The following DOCK3 variants were observed in gnomAD, a reference collection of about 807,000 sequenced individuals.
DOCK3 encodes the protein dedicator of cytokinesis 3.
DOCK3 carries 60 observed loss-of-function variants against 265.6 expected under a neutral mutation model. That is an observed-to-expected ratio of 0.23 (90% CI 0.18 to 0.28). DOCK3 has a LOEUF of 0.28. DOCK3 is among the 10% of genes least tolerant of loss of function. The pLI is 1.00. For synonymous variants in DOCK3, 881 were observed against 938.0 expected (o/e 0.94, Z 1.11); for missense variants, 1,981 against 2,594.3 (o/e 0.76, Z 5.14).
chr3:50,680,394 A>G (rs2034311765), intron 1 of DOCK3, among the ~76,000 whole-genome samples: 1 of 149,752 alleles, frequency 6.7e-6, no homozygotes. Context: ...TTCTATTTTT[A>G]GTAGAGACGG....
intron 27 of DOCK3, among the ~76,000 whole-genome samples, chr3:51,286,277 A>T (rs930736493): frequency 6.6e-6 from 1 of 152,234 alleles, no homozygotes; most frequent in Non-Finnish European, 1.5e-5. Context: ...AAAGATCTCT[A>T]CAAGGAGAAT....
intron 9 of DOCK3, among the ~76,000 whole-genome samples, chr3:51,125,709 T>C (rs1383049915): frequency 6.6e-6 from 1 of 152,084 alleles, no homozygotes; most frequent in Non-Finnish European, 1.5e-5. Flanking sequence ...CATGGCAAAC[T>C]ATAAAAAAAA....
chr3:51,220,656 C>CA (rs5848918), intron 14 of DOCK3, among the ~76,000 whole-genome samples: 58 of 99,768 alleles, frequency 5.8e-4, no homozygotes, highest in East Asian at 8.4e-4. Flanking sequence ...GACTCCATCT[C>CA]AAAAAAAAAA....
At chr3:51,013,082 A>G (rs547766946) in intron 5 of DOCK3, among the ~76,000 whole-genome samples, 5 of 152,230 alleles carry the variant, frequency 3.3e-5, no homozygotes, top group South Asian at 2.1e-4. Context: ...CTTCCTTGCA[A>G]TGGGTTCGAA....
intron 14 of DOCK3, among the ~76,000 whole-genome samples, chr3:51,216,012 AAG>A (rs1209121453): frequency 4.1e-4 from 63 of 152,136 alleles, no homozygotes; most frequent in African/African-American, 1.4e-3. Context: ...AAATTGAAAA[AAG>A]AATAAATAGT....
chr3:50,866,142 G>A (rs528453858), intron 3 of DOCK3, among the ~76,000 whole-genome samples: 27 of 152,024 alleles, frequency 1.8e-4, no homozygotes, highest in African/African-American at 6.0e-4. Flanking sequence ...ATGTGATCCC[G>A]TTTGTCCATT....
intron 40 of DOCK3, 98 bp from the exon 41 acceptor site, chr3:51,354,784 T>A: frequency 6.6e-7 from 1 of 1,522,588 alleles, no homozygotes. Flanking sequence ...AGAAGGCTCC[T>A]AAGATATGTT....
intron 9 of DOCK3, among the ~76,000 whole-genome samples, chr3:51,129,888 T>G (rs2084440009): frequency 6.6e-6 from 1 of 152,208 alleles, no homozygotes; most frequent in African/African-American, 2.4e-5. Flanking sequence ...TTGCAGAGCC[T>G]TCTCCTGTTC....
At chr3:51,379,290 CA>C (rs1390354068) in intron 51 of DOCK3, among the ~76,000 whole-genome samples, 1 of 152,266 alleles carries the variant, frequency 6.6e-6, no homozygotes, top group African/African-American at 2.4e-5. Flanking sequence ...CTGTGGACCA[CA>C]GTGCCTTGCT....
intron 41 of DOCK3, 39 bp downstream of exon 41, chr3:51,355,062 C>G: frequency 6.3e-7 from 1 of 1,598,282 alleles, no homozygotes; most frequent in African/African-American, 1.3e-5. Context: ...AGGGCAGGGG[C>G]CCTGGGAGGT....
In DOCK3 at chr3:51,286,200, C is replaced by T. The variant is rs183671578; in HGVS notation, c.2922+5996C>T. Among the ~76,000 whole-genome samples, 211 of 152,100 alleles carry T rather than the reference C, an allele frequency of 1.4e-3. 3 individuals are homozygous for T. Among genetic ancestry groups the T allele is most frequent in the Non-Finnish European group, 2.8e-4 (19 of 67,992 alleles). Reference sequence around the variant, plus strand: ...CATTCAAGCTGAGCCAAATTAAGAACGTAATTCCATTCACAATAGCCACAA... The same window carrying T: ...CATTCAAGCTGAGCCAAATTAAGAATGTAATTCCATTCACAATAGCCACAA... On this transcript the variant is annotated intron_variant, in intron 27 of 52. Coordinates refer to ENST00000266037, the MANE Select transcript of DOCK3 (RefSeq NM_004947.5).
chr3:51,133,750 G>T (rs2084668410), intron 9 of DOCK3, among the ~76,000 whole-genome samples: 1 of 152,096 alleles, frequency 6.6e-6, no homozygotes, highest in African/African-American at 2.4e-5. Flanking sequence ...GGATATTAAG[G>T]GTGTGGGATA....
chr3:50,889,704 G>A (rs1428304712), intron 3 of DOCK3, among the ~76,000 whole-genome samples: 1 of 152,040 alleles, frequency 6.6e-6, no homozygotes, highest in Non-Finnish European at 1.5e-5. Context: ...TACATGACAA[G>A]TTCTGTACAC....
chr3:51,007,157 T>C (rs1484071878), intron 5 of DOCK3, among the ~76,000 whole-genome samples: 1 of 152,202 alleles, frequency 6.6e-6, no homozygotes, highest in Admixed American at 6.5e-5. Flanking sequence ...GATGGCTGGG[T>C]CAAATGGTAT....
chr3:50,945,754 G>A (rs1314846427), intron 5 of DOCK3, among the ~76,000 whole-genome samples: 2 of 152,140 alleles, frequency 1.3e-5, no homozygotes, highest in Non-Finnish European at 2.9e-5. Context: ...TTCAGATTAT[G>A]TATAAGAGGA....
intron 1 of DOCK3, among the ~76,000 whole-genome samples, chr3:50,726,048 G>A (rs560232416): frequency 1.3e-5 from 2 of 152,156 alleles, no homozygotes; most frequent in East Asian, 3.9e-4. Flanking sequence ...CATATAACCT[G>A]TGCACATCCT....
At chr3:51,323,542 G>C (rs899212693) in intron 32 of DOCK3, among the ~76,000 whole-genome samples, 1 of 151,904 alleles carries the variant, frequency 6.6e-6, no homozygotes, top group African/African-American at 2.4e-5. Context: ...ACTCAAAACC[G>C]CACAACTATA....
At chr3:50,837,453 G>A (rs2045576599) in intron 2 of DOCK3, among the ~76,000 whole-genome samples, 1 of 152,150 alleles carries the variant, frequency 6.6e-6, no homozygotes, top group Admixed American at 6.5e-5. Flanking sequence ...GCTGAACAAA[G>A]GGGAGAAAGC....
At chr3:50,778,233 A>G (rs1158559499) in intron 1 of DOCK3, among the ~76,000 whole-genome samples, 1 of 152,094 alleles carries the variant, frequency 6.6e-6, no homozygotes, top group Non-Finnish European at 1.5e-5. Context: ...CATTTTTATC[A>G]TGAGAATTCT....
Sources: allele counts gnomAD v4.1 joint callset (sites outside exome capture counted in the v4.1 genomes callset), GRCh38; gene constraint gnomAD v4.1.1; transcripts MANE v1.5; gene names NCBI Gene and HGNC (gene_info 2026-07-23, HGNC 2026-07-21).